Variants in DHRSX observed in about 807,000 individuals in gnomAD.
The protein encoded by DHRSX is dehydrogenase/reductase X-linked.
DHRSX carries 31 observed loss-of-function variants against 34.0 expected under a neutral mutation model. The observed-to-expected ratio is 0.91, with a 90% confidence interval of 0.69 to 1.23. The LOEUF is 1.23. DHRSX is among the 50% of genes most tolerant of loss of function. The probability of loss-of-function intolerance (pLI) is 0.00; values close to 1 mark genes in which losing one functional copy is unlikely to be tolerated. For missense variants in DHRSX, 414 were observed against 428.1 expected (o/e 0.97, Z 0.29); for synonymous variants, 201 against 183.8 (o/e 1.09, Z -0.76).
intron 1 of DHRSX, among the ~76,000 whole-genome samples, chrX:2,479,541 CAT>C (rs1432749031): frequency 6.6e-6 from 1 of 151,084 alleles, no homozygotes; most frequent in Non-Finnish European, 1.5e-5. Context: ...GGGACCGCCA[CAT>C]GTGCACACTG....
At chrX:2,284,989 T>C (rs2041787513) in intron 4 of DHRSX, among the ~76,000 whole-genome samples, 1 of 152,188 alleles carries the variant, frequency 6.6e-6, no homozygotes, top group African/African-American at 2.4e-5. Flanking sequence ...CTGTTTTCCA[T>C]GAGACTTGAG....
chrX:2,326,688 G>A (rs113292370), intron 3 of DHRSX, among the ~76,000 whole-genome samples: 1 of 151,986 alleles, frequency 6.6e-6, no homozygotes, highest in Non-Finnish European at 1.5e-5. Context: ...AATATTCCTA[G>A]GGAGACAGTA....
At chrX:2,407,219 C>A (rs1009207729) in intron 3 of DHRSX, among the ~76,000 whole-genome samples, 3 of 152,138 alleles carry the variant, frequency 2.0e-5, no homozygotes, top group Non-Finnish European at 4.4e-5. Context: ...GGGTCCGACT[C>A]GCAGACTTTG....
chrX:2,276,013 T>G (rs1160826952), intron 4 of DHRSX, among the ~76,000 whole-genome samples: 1 of 152,032 alleles, frequency 6.6e-6, no homozygotes, highest in Non-Finnish European at 1.5e-5. Flanking sequence ...CCAGCTAATT[T>G]CTGTATTTTT....
chrX:2,260,607 G>A (rs2041350927), intron 5 of DHRSX, among the ~76,000 whole-genome samples: 2 of 151,934 alleles, frequency 1.3e-5, no homozygotes, highest in Non-Finnish European at 2.9e-5. Flanking sequence ...TTACAGACGC[G>A]CAGCACCACG....
intron 6 of DHRSX, among the ~76,000 whole-genome samples, chrX:2,235,899 G>C (rs1453101355): frequency 6.7e-6 from 1 of 149,142 alleles, no homozygotes; most frequent in Non-Finnish European, 1.5e-5. Flanking sequence ...GGATCACGAG[G>C]TCAAGAGATC....
chrX:2,291,134 G>C (rs1207827739), intron 4 of DHRSX, among the ~76,000 whole-genome samples: 3 of 152,098 alleles, frequency 2.0e-5, no homozygotes, highest in African/African-American at 7.2e-5. Flanking sequence ...AGAGATAAAT[G>C]GTAATGAGCT....
chrX:2,246,721 AAAG>A (rs1435572176), intron 5 of DHRSX, among the ~76,000 whole-genome samples: 9 of 110,486 alleles, frequency 8.1e-5, no homozygotes, highest in African/African-American at 2.3e-4. Flanking sequence ...AGAAAGAAAG[AAAG>A]AAAGAAAGAA....
chrX:2,314,238 G>T (rs2042201320), intron 3 of DHRSX, among the ~76,000 whole-genome samples: 3 of 23,670 alleles, frequency 1.3e-4, no homozygotes, highest in East Asian at 4.6e-4. Flanking sequence ...AGGGAGGGAG[G>T]GAAGGAAGGG....
intron 1 of DHRSX, among the ~76,000 whole-genome samples, chrX:2,494,454 T>C (rs2045233015): frequency 6.6e-6 from 1 of 151,912 alleles, no homozygotes; most frequent in Non-Finnish European, 1.5e-5. Flanking sequence ...GTTTATATTC[T>C]ATTTTATTAC....
At chrX:2,374,317 C>T (rs2043114884) in intron 3 of DHRSX, among the ~76,000 whole-genome samples, 2 of 152,136 alleles carry the variant, frequency 1.3e-5, no homozygotes, top group African/African-American at 4.8e-5. Flanking sequence ...CAAAACAGAC[C>T]ACAGTGAGGC....
At chrX:2,369,890 G>A (rs1357272555) in intron 3 of DHRSX, among the ~76,000 whole-genome samples, 3 of 151,988 alleles carry the variant, frequency 2.0e-5, no homozygotes, top group Non-Finnish European at 2.9e-5. Flanking sequence ...TGATCTGCCC[G>A]CCTTAGCCTT....
At chrX:2,361,181 G>T (rs1490358964) in intron 3 of DHRSX, among the ~76,000 whole-genome samples, 2 of 152,068 alleles carry the variant, frequency 1.3e-5, no homozygotes, top group African/African-American at 2.4e-5. Context: ...TGCGATCTCG[G>T]CTCACTGCAA....
At chrX:2,224,717 CAT>C (rs1361325722) in intron 6 of DHRSX, among the ~76,000 whole-genome samples, 153 of 152,182 alleles carry the variant, frequency 1.0e-3, no homozygotes, top group Non-Finnish European at 1.6e-3. Context: ...TGGACACACA[CAT>C]ACTCATGCAT....
At chrX:2,256,802 AGC>A (rs2041285987) in intron 5 of DHRSX, among the ~76,000 whole-genome samples, 3 of 151,816 alleles carry the variant, frequency 2.0e-5, no homozygotes, top group Non-Finnish European at 2.9e-5. Context: ...AAAAAAAAAA[AGC>A]AGTATATTTT....
intron 3 of DHRSX, among the ~76,000 whole-genome samples, chrX:2,338,193 C>T (rs2042594040): frequency 6.6e-6 from 1 of 151,542 alleles, no homozygotes; most frequent in African/African-American, 2.4e-5. Context: ...ATTAGCCAGG[C>T]ATGGTGGTGC....
chrX:2,284,725 C>T (rs1406224808), intron 4 of DHRSX, among the ~76,000 whole-genome samples: 1 of 152,136 alleles, frequency 6.6e-6, no homozygotes, highest in Non-Finnish European at 1.5e-5. Context: ...ACCATAAATA[C>T]CGGCTCTGCA....
intron 3 of DHRSX, among the ~76,000 whole-genome samples, chrX:2,346,006 C>T (rs2042704950): frequency 1.3e-5 from 2 of 152,162 alleles, no homozygotes; most frequent in Non-Finnish European, 2.9e-5. Context: ...TTCCCTGGTT[C>T]TGCGGCACCC....
At chrX:2,305,465 T>C (rs2042087572) in intron 3 of DHRSX, among the ~76,000 whole-genome samples, 1 of 152,078 alleles carries the variant, frequency 6.6e-6, no homozygotes, top group Admixed American at 6.6e-5. Context: ...AGAAATACCA[T>C]TTGACCCAGC....
Sources: allele counts gnomAD v4.1 joint callset (sites outside exome capture counted in the v4.1 genomes callset), GRCh38; gene constraint gnomAD v4.1.1; transcripts MANE v1.5; gene names NCBI Gene and HGNC (gene_info 2026-07-23, HGNC 2026-07-21).